Variants in ENDOV observed in about 807,000 individuals in gnomAD.
The protein encoded by ENDOV is hEndoV.
A neutral mutation model predicts 39.4 loss-of-function variants in ENDOV; 37 were observed. The observed-to-expected ratio is 0.94, with a 90% CI of 0.72 to 1.23. The LOEUF is 1.23. Among genes scored for constraint, ENDOV ranks in the 50% most tolerant of loss-of-function variants. The pLI, the probability that ENDOV is intolerant of heterozygous loss-of-function variation, is 0.00. For synonymous variants in ENDOV, 186 were observed against 163.4 expected (o/e 1.14, Z -1.05); for missense variants, 441 against 375.7 (o/e 1.17, Z -1.44).
At chr17:80,415,280 G>A in intron 1 of ENDOV, 30 bp downstream of exon 1, 1 of 1,611,440 alleles carries the variant, frequency 6.2e-7, no homozygotes, top group Non-Finnish European at 8.5e-7. Flanking sequence ...CGCAGGAGGC[G>A]GGGGCCGAGG....
intron 7 of ENDOV, chr17:80,427,763 G>A (rs1406064726): frequency 1.6e-6 from 2 of 1,289,226 alleles, no homozygotes; most frequent in African/African-American, 1.5e-5. Context: ...GGCCGTCTTG[G>A]TGGCCCCATG....
intron 4 of ENDOV, 45 bp from the exon 5 acceptor site, chr17:80,423,474 GC>G: frequency 1.4e-6 from 2 of 1,449,930 alleles, no homozygotes; most frequent in Non-Finnish European, 9.4e-7. Context: ...CCTGTGCCAG[GC>G]CCCAGCCCCA....
rs1218507033 is a variant in ENDOV at position 80,415,632 on chromosome 17, A to T, written c.57-18A>T. ...TGAGGTGTGACCCCGACCAAGTTTG[A>T]CGCTTCTGTCCTCCTAGGGAGCAAG... On this transcript the variant is annotated intron_variant, in intron 1 of 9. Coordinates refer to ENST00000518137, the MANE Select transcript of ENDOV (RefSeq NM_173627.5). The T allele has an allele frequency of 1.2e-6, 2 of 1,609,354 alleles. No individual in the cohort carries two copies. The highest frequency in any genetic ancestry group is 3.4e-5 in the Admixed American group (2 of 59,488).
At chr17:80,425,789 C>T (rs185690249) in intron 7 of ENDOV, among the ~76,000 whole-genome samples, 169 bp downstream of exon 7, 1 of 152,260 alleles carries the variant, frequency 6.6e-6, no homozygotes, top group African/African-American at 2.4e-5. Flanking sequence ...CTTGCTGGGC[C>T]CTGCAGTCAG....
Position 80,428,664 on chromosome 17 carries a change from A to G in ENDOV, c.779+4A>G, listed in dbSNP as rs1378072238. Reference sequence around the variant, plus strand: ...TCCCCGGGCCACCCACACCGAGGTGAGCACCCAGGGAGGCTGGGGCACTAA... The same window carrying G: ...TCCCCGGGCCACCCACACCGAGGTGGGCACCCAGGGAGGCTGGGGCACTAA... On this transcript the variant is annotated splice_donor_region_variant and intron_variant, in intron 8 of 9. Transcript: ENST00000518137. 1.9e-6 allele frequency: 3 copies of G among 1,575,606 alleles called. No homozygotes were observed. The highest frequency in any genetic ancestry group is 3.7e-5 in the Admixed American group (2 of 54,738).
At chr17:80,433,135 A>G (rs1307272989) in intron 9 of ENDOV, 3 of 520,088 alleles carry the variant, frequency 5.8e-6, no homozygotes, top group Non-Finnish European at 1.2e-5. Context: ...GTGGCAGGGA[A>G]TTAGAGGCAT....
At position 80,428,627 on chromosome 17, in the gene ENDOV, A is replaced by G; in HGVS notation, c.746A>G (p.Lys249Arg). Reference protein sequence around the residue: ...ADICSREHIRKSLGLPGPPTP... With the variant: ...ADICSREHIRRSLGLPGPPTP... ...ATCTGCTCCCGAGAGCACATCCGCA[A>G]GTCGCTGGGACTCCCCGGGCCACCC... Residue 249 changes from lysine to arginine, a missense_variant, in exon 8 of 10, where the codon AAG (lysine) becomes AGG (arginine). Physicochemically the swap from Lys to Arg is conservative, Grantham distance 26 (BLOSUM62 2). Coordinates refer to ENST00000518137, the MANE Select transcript of ENDOV (RefSeq NM_173627.5). 1.3e-6 allele frequency: 2 copies of G among 1,586,028 alleles called. No homozygotes were observed. The highest frequency in any genetic ancestry group is 8.6e-7 in the Non-Finnish European group (1 of 1,166,688).
At chr17:80,429,482 G>A (rs554996277) in intron 8 of ENDOV, among the ~76,000 whole-genome samples, 197 of 152,262 alleles carry the variant, frequency 1.3e-3, no homozygotes, top group African/African-American at 4.4e-3. Context: ...CGGTTCCTTC[G>A]TGCTCATTTT....
chr17:80,422,168 C>T, intron 3 of ENDOV, 38 bp from the exon 4 acceptor site: 1 of 1,612,944 alleles, frequency 6.2e-7, no homozygotes. Context: ...GGCCGAGGGG[C>T]AGCTCAGCTG....
At chr17:80,419,780 G>C (rs2081743201) in intron 2 of ENDOV, 1 of 668,840 alleles carries the variant, frequency 1.5e-6, no homozygotes, top group Non-Finnish European at 2.8e-6. Flanking sequence ...TCTGCACTCA[G>C]AATCAAATGC....
chr17:80,428,510 G>A, intron 7 of ENDOV, 86 bp from the exon 8 acceptor site: 1 of 1,330,526 alleles, frequency 7.5e-7, no homozygotes, highest in Non-Finnish European at 1.0e-6. Flanking sequence ...TTCTGTGGGG[G>A]ATGGAGGCAT....
At chr17:80,420,545 T>C (rs1386253673) in intron 2 of ENDOV, 2 of 152,244 alleles carry the variant, frequency 1.3e-5, no homozygotes, top group Admixed American at 1.3e-4. Flanking sequence ...TTGGTGTGTT[T>C]AATTATTGAT....
chr17:80,417,743 C>G (rs1438937020), intron 2 of ENDOV: 1 of 152,252 alleles, frequency 6.6e-6, no homozygotes, highest in Non-Finnish European at 1.5e-5. Flanking sequence ...TGGAACTGGC[C>G]TGTCTTCCCT....
chr17:80,426,106 C>T (rs1599410781), intron 7 of ENDOV, among the ~76,000 whole-genome samples: 1 of 152,144 alleles, frequency 6.6e-6, no homozygotes, highest in Non-Finnish European at 1.5e-5. Context: ...GTTCGGTCCC[C>T]CAGGAAGGGT....
rs907792884 is a variant in ENDOV, at chr17:80,415,445, T to G, written c.56+195T>G. The G allele has an allele frequency of 8.2e-6, 8 of 979,644 alleles. No individual in the cohort carries two copies. In the African/African-American group the frequency reaches 1.3e-4, roughly 16 times the overall value. 60.7% of individuals were successfully genotyped at this position (979,644 alleles called of 1,614,324 possible). A position where few individuals can be genotyped will look rare whatever the true frequency, so the allele number is the denominator to read the frequency against. On this transcript the variant is annotated intron_variant, in intron 1 of 9. Transcript: ENST00000518137. ...TCCGCGGGGTGGGCGCGGTTCTCGCTTCCGGCCAGTTTGTCTGGCCTGCGC... is the reference window on the plus strand; with the variant it reads ...TCCGCGGGGTGGGCGCGGTTCTCGCGTCCGGCCAGTTTGTCTGGCCTGCGC...
Position 80,425,530 on chromosome 17 carries a change from C to T in ENDOV, c.624C>T (p.Tyr208=). The change falls in exon 7 of 10, where the codon TAC becomes TAT. Residue 208 remains tyrosine, a synonymous_variant. Coordinates refer to ENST00000518137, the MANE Select transcript of ENDOV (RefSeq NM_173627.5). ...RSHDRSTRPL[Y]ISVGHRMSLE... is the part of the protein sequence containing the mutation. Reference sequence around the variant, plus strand: ...ACGACCGCAGCACCAGGCCCCTCTACATCTCCGTGGGCCACAGGATGAGCC... The same window carrying T: ...ACGACCGCAGCACCAGGCCCCTCTATATCTCCGTGGGCCACAGGATGAGCC... The T allele has an allele frequency of 6.3e-7, 1 of 1,596,924 alleles. No individual in the cohort carries two copies. Among genetic ancestry groups the T allele is most frequent in the South Asian group, 1.1e-5 (1 of 88,412 alleles).
chr17:80,423,936 G>A (rs1000082669), intron 5 of ENDOV: 3 of 428,070 alleles, frequency 7.0e-6, no homozygotes, highest in African/African-American at 6.1e-5. Flanking sequence ...GGACAGGACG[G>A]GCTTCCAGGC....
At position 80,425,560 on chromosome 17, in the gene ENDOV, G is replaced by T; in HGVS notation, c.654G>T (p.Glu218Asp). 1 of 1,593,168 alleles carries T rather than the reference G, an allele frequency of 6.3e-7. No individual in the cohort carries two copies. Among genetic ancestry groups the T allele is most frequent in the Admixed American group, 1.7e-5 (1 of 58,082 alleles). ...YISVGHRMSL[E>D]AAVRLTCCCC... Reference sequence around the variant, plus strand: ...CCGTGGGCCACAGGATGAGCCTGGAGGCCGCTGTGCGCCTGACTTGCTGCT... The same window carrying T: ...CCGTGGGCCACAGGATGAGCCTGGATGCCGCTGTGCGCCTGACTTGCTGCT... Residue 218 changes from glutamate (E) to aspartate (D), a missense_variant, in exon 7 of 10, where the codon GAG (glutamate) becomes GAT (aspartate). Physicochemically the swap from Glu to Asp is conservative, Grantham distance 45. Coordinates refer to ENST00000518137, the MANE Select transcript of ENDOV (RefSeq NM_173627.5).
At chr17:80,430,067 G>A in intron 9 of ENDOV, 2 of 1,535,788 alleles carry the variant, frequency 1.3e-6, no homozygotes, top group Non-Finnish European at 1.7e-6. Flanking sequence ...CCAAAGACAG[G>A]CTGACCGCAC....
Sources: gnomAD v4.1 joint callset for allele counts (sites outside exome capture counted in the v4.1 genomes callset) on GRCh38, gnomAD v4.1.1 for gene constraint, MANE v1.5 for transcripts, NCBI Gene and HGNC (gene_info 2026-07-23, HGNC 2026-07-21) for gene names.